The following KIAA1328 variants were observed in gnomAD, a reference collection of about 807,000 sequenced individuals.
KIAA1328 encodes protein hinderin.
In KIAA1328, 52 loss-of-function variants were observed where a neutral mutation model predicts 68.1. The ratio of observed to expected loss-of-function variants is 0.76; its 90% CI spans 0.61 to 0.96. The LOEUF (loss-of-function observed/expected upper bound fraction) is 0.96, where lower values mean the gene tolerates loss of function less well. Among genes scored for constraint, KIAA1328 ranks in the 40% least tolerant of loss-of-function variants. KIAA1328 has a pLI of 0.00. For missense variants in KIAA1328, 641 were observed against 677.6 expected (o/e 0.95, Z 0.60); for synonymous variants, 232 against 239.4 (o/e 0.97, Z 0.28).
chr18:36,983,166 CAG>C (rs1284978514), intron 6 of KIAA1328, among the ~76,000 whole-genome samples: 5 of 151,884 alleles, frequency 3.3e-5, no homozygotes, highest in African/African-American at 9.7e-5. Context: ...AATTAAAAAG[CAG>C]AGACTGTCAA....
At chr18:36,986,034 C>G (rs2052909197) in intron 6 of KIAA1328, among the ~76,000 whole-genome samples, 1 of 152,106 alleles carries the variant, frequency 6.6e-6, no homozygotes, top group South Asian at 2.1e-4. Flanking sequence ...TGTACAACTA[C>G]CCTGCAAAAT....
intron 6 of KIAA1328, among the ~76,000 whole-genome samples, chr18:36,984,879 C>T (rs1598894068): frequency 7.4e-6 from 1 of 135,080 alleles, no homozygotes. Flanking sequence ...GCATTCCAGC[C>T]TGGAGACAGA....
intron 7 of KIAA1328, among the ~76,000 whole-genome samples, chr18:37,069,390 G>A (rs1189916599): frequency 6.6e-6 from 1 of 151,856 alleles, no homozygotes; most frequent in South Asian, 2.1e-4. Context: ...CTCCCAAGTA[G>A]CTGGGATTAC....
intron 7 of KIAA1328, among the ~76,000 whole-genome samples, chr18:37,156,127 C>T (rs900950638): frequency 3.3e-5 from 5 of 152,012 alleles, no homozygotes; most frequent in African/African-American, 1.2e-4. Flanking sequence ...CAGGGCTGGG[C>T]CGGGCTCGGT....
intron 9 of KIAA1328, among the ~76,000 whole-genome samples, chr18:37,185,803 T>TC (rs1008072722): frequency 2.7e-5 from 4 of 150,808 alleles, no homozygotes; most frequent in Non-Finnish European, 5.9e-5. Context: ...GGGTATGCCC[T>TC]CCCCCCCAAA....
chr18:37,152,249 C>G (rs1171494384), intron 7 of KIAA1328, among the ~76,000 whole-genome samples: 1 of 151,878 alleles, frequency 6.6e-6, no homozygotes, highest in East Asian at 1.9e-4. Flanking sequence ...CAACAAAGAA[C>G]AGTAGAATTT....
intron 6 of KIAA1328, among the ~76,000 whole-genome samples, chr18:37,057,846 C>T (rs1466187622): frequency 6.6e-6 from 1 of 152,118 alleles, no homozygotes; most frequent in Non-Finnish European, 1.5e-5. Flanking sequence ...CAGAGCTGTG[C>T]AGCTATGACA....
At chr18:36,921,684 G>C (rs946251151) in intron 5 of KIAA1328, among the ~76,000 whole-genome samples, 2 of 152,112 alleles carry the variant, frequency 1.3e-5, no homozygotes, top group Admixed American at 6.5e-5. Flanking sequence ...GAATACAGGC[G>C]TGAGCCACTG....
chr18:36,857,337 T>C (rs1296574416), intron 4 of KIAA1328, among the ~76,000 whole-genome samples: 2 of 152,196 alleles, frequency 1.3e-5, no homozygotes, highest in Non-Finnish European at 1.5e-5. Context: ...CTGTGAGTAG[T>C]ATATGTCATC....
In KIAA1328 at chr18:37,066,926, G is replaced by T; in HGVS notation, c.613G>T (p.Val205Leu). 1 of 1,607,894 alleles carries T rather than the reference G, an allele frequency of 6.2e-7. No individual in the cohort carries two copies. Among genetic ancestry groups the T allele is most frequent in the South Asian group, 1.1e-5 (1 of 89,862 alleles). Residue 205 changes from valine to leucine, a missense_variant, in exon 7 of 10, where the codon GTG (valine) becomes TTG (leucine). Coordinates refer to ENST00000280020, the MANE Select transcript of KIAA1328 (RefSeq NM_020776.3). ...AAAAAGCACTCTCCAGTGTTCATCT[G>T]TGGAACTGGATGGTTCCTACTTGAG... ...SRKSTLQCSS[V>L]ELDGSYLSIA...
chr18:37,218,291 A>G (rs909770725), intron 9 of KIAA1328, among the ~76,000 whole-genome samples: 1 of 152,226 alleles, frequency 6.6e-6, no homozygotes, highest in Non-Finnish European at 1.5e-5. Context: ...GGAACTTCAT[A>G]CATTGTTTGC....
chr18:37,224,261 A>T lies in KIAA1328; in HGVS notation c.*2034A>T. On this transcript the variant is annotated 3_prime_UTR_variant, in exon 10 of 10. Coordinates refer to ENST00000280020, the MANE Select transcript of KIAA1328 (RefSeq NM_020776.3). Reference sequence around the variant, plus strand: ...AGGATGCCAGAGGATCAAGAAAAGGATCACAGTTTCTTGAAGAAGCTTGTT... The same window carrying T: ...AGGATGCCAGAGGATCAAGAAAAGGTTCACAGTTTCTTGAAGAAGCTTGTT... 1 of 985,450 alleles carries T rather than the reference A, an allele frequency of 1.0e-6. No homozygotes were observed. The highest frequency in any genetic ancestry group is 1.2e-6 in the Non-Finnish European group (1 of 829,936). The allele number at this position is 985,450 out of a possible 1,614,324, so 61.0% of individuals were successfully genotyped here.
At chr18:36,872,785 G>A (rs1269336294) in intron 4 of KIAA1328, among the ~76,000 whole-genome samples, 1 of 152,200 alleles carries the variant, frequency 6.6e-6, no homozygotes, top group East Asian at 1.9e-4. Flanking sequence ...GAAACAATCT[G>A]ATGAGGAATT....
At chr18:37,154,074 T>A (rs1317411394) in intron 7 of KIAA1328, among the ~76,000 whole-genome samples, 1 of 152,170 alleles carries the variant, frequency 6.6e-6, no homozygotes, top group Non-Finnish European at 1.5e-5. Flanking sequence ...TCTGCCTTTT[T>A]CTAAAAGACT....
chr18:36,998,104 A>C (rs2053459525), intron 6 of KIAA1328, among the ~76,000 whole-genome samples: 1 of 152,092 alleles, frequency 6.6e-6, no homozygotes, highest in Non-Finnish European at 1.5e-5. Context: ...TCATCTTTGG[A>C]GAGCCTGAGT....
At chr18:37,183,631 T>C (rs892362370) in intron 9 of KIAA1328, among the ~76,000 whole-genome samples, 162 of 152,340 alleles carry the variant, frequency 1.1e-3, no homozygotes, top group African/African-American at 3.6e-3. Context: ...TATCAAAGTA[T>C]ATCAATAAGC....
intron 9 of KIAA1328, among the ~76,000 whole-genome samples, chr18:37,213,348 T>C (rs2154220433): frequency 6.6e-6 from 1 of 152,258 alleles, no homozygotes; most frequent in South Asian, 2.1e-4. Flanking sequence ...CCGCTCTGTG[T>C]CCAAGTGTTC....
chr18:37,148,687 T>C (rs2058961143), intron 7 of KIAA1328, among the ~76,000 whole-genome samples: 1 of 152,238 alleles, frequency 6.6e-6, no homozygotes, highest in Non-Finnish European at 1.5e-5. Context: ...TGGTATCTCT[T>C]TGTGGTTTTG....
chr18:37,011,821 G>A (rs1307326395), intron 6 of KIAA1328, among the ~76,000 whole-genome samples: 2 of 152,088 alleles, frequency 1.3e-5, no homozygotes, highest in African/African-American at 2.4e-5. Context: ...TGATTACACA[G>A]GAGCATGGGT....
Sources: allele counts gnomAD v4.1 joint callset (sites outside exome capture counted in the v4.1 genomes callset), GRCh38; gene constraint gnomAD v4.1.1; transcripts MANE v1.5; gene names NCBI Gene and HGNC (gene_info 2026-07-23, HGNC 2026-07-21).